The following KLRG1 variants were observed in gnomAD, a reference collection of about 807,000 sequenced individuals.
KLRG1 encodes killer cell lectin like receptor G1, also known as killer cell lectin-like receptor subfamily G member 1.
Under a neutral mutation model 21.8 loss-of-function variants are expected in KLRG1, and 16 were observed. The ratio of observed to expected loss-of-function variants is 0.73; its 90% CI spans 0.50 to 1.11. KLRG1 has a LOEUF of 1.11. Ranked by LOEUF, KLRG1 falls within the 50% of genes most tolerant of loss-of-function variation. The pLI is 0.00. For missense variants in KLRG1, 173 were observed against 218.3 expected, an observed-to-expected ratio of 0.79 and a Z score of 1.31; for synonymous variants, 69 against 75.9, an observed-to-expected ratio of 0.91 and a Z score of 0.47.
the KLRG1 span, chr12:9,162,345 A>G: frequency 5.0e-6 from 2 of 399,334 alleles, no homozygotes; most frequent in Non-Finnish European, 8.9e-6. Context: ...TGGGCTATCC[A>G]GGTAAAAGGG....
chr12:9,006,819 G>C (rs1382874250), intron 3 of KLRG1, among the ~76,000 whole-genome samples: 1 of 152,184 alleles, frequency 6.6e-6, no homozygotes, highest in African/African-American at 2.4e-5. Flanking sequence ...CGCTCAGCCA[G>C]ATTAAACCAC....
intron 1 of KLRG1, among the ~76,000 whole-genome samples, chr12:8,968,065 G>T (rs1946507802): frequency 6.6e-6 from 1 of 152,030 alleles, no homozygotes; most frequent in African/African-American, 2.4e-5. Flanking sequence ...AAGACATTCG[G>T]TTTAAAAAAG....
At chr12:9,135,124 C>A in the KLRG1 span, 1 of 217,106 alleles carries the variant, frequency 4.6e-6, no homozygotes, top group South Asian at 8.5e-5. Flanking sequence ...GCCTCCATGT[C>A]CTTCGTCTCC....
chr12:9,151,798 A>T, the KLRG1 span: 1 of 686,242 alleles, frequency 1.5e-6, no homozygotes, highest in Non-Finnish European at 2.4e-6. Context: ...AATTGTTTTC[A>T]GGTCAGGAGT....
chr12:9,183,838 T>C, the KLRG1 span, among the ~76,000 whole-genome samples: 2 of 152,230 alleles, frequency 1.3e-5, no homozygotes, highest in Non-Finnish European at 2.9e-5. Context: ...TATCACTATG[T>C]GTTTATACTG....
chr12:9,142,030 T>A, the KLRG1 span, among the ~76,000 whole-genome samples: 1 of 152,232 alleles, frequency 6.6e-6, no homozygotes, highest in East Asian at 1.9e-4. Flanking sequence ...TTTCATGACT[T>A]ACATGGACAG....
At chr12:9,153,256 C>T in the KLRG1 span, 5 of 1,614,060 alleles carry the variant, frequency 3.1e-6, no homozygotes, top group Non-Finnish European at 4.2e-6. Context: ...GTCTGTGAAT[C>T]CTGAACGGTG....
chr12:9,202,540 T>C, the KLRG1 span: 1 of 1,614,122 alleles, frequency 6.2e-7, no homozygotes, highest in South Asian at 1.1e-5. Context: ...TGTCCTGGTT[T>C]ATACATGGGT....
chr12:8,987,181 T>C (rs936991132), upstream of KLRG1: 2 of 152,240 alleles, frequency 1.3e-5, no homozygotes, highest in African/African-American at 4.8e-5. Context: ...TAAGTATTAT[T>C]ATGGACTGAA....
At chr12:9,134,925 A>G in the KLRG1 span, among the ~76,000 whole-genome samples, 1 of 152,172 alleles carries the variant, frequency 6.6e-6, no homozygotes, top group African/African-American at 2.4e-5. Context: ...TACTCTAATG[A>G]AAGAAAAAAG....
chr12:8,976,255 G>A (rs1036001120), intron 1 of KLRG1, among the ~76,000 whole-genome samples: 3 of 152,084 alleles, frequency 2.0e-5, no homozygotes, highest in Admixed American at 6.5e-5. Flanking sequence ...TAGTTTCTAT[G>A]TAAATGTGGA....
chr12:8,989,046 TG>T (rs1313697385), upstream of KLRG1, among the ~76,000 whole-genome samples: 1 of 152,198 alleles, frequency 6.6e-6, no homozygotes, highest in Admixed American at 6.5e-5. Flanking sequence ...TCTGATACTG[TG>T]AAGGGTAAAG....
the KLRG1 span, among the ~76,000 whole-genome samples, chr12:9,047,233 T>G: frequency 2.6e-5 from 4 of 152,164 alleles, no homozygotes; most frequent in African/African-American, 9.7e-5. Flanking sequence ...TTAGTAGCAA[T>G]AAAACTTATA....
At chr12:8,991,740 T>C (rs1946974784) in intron 1 of KLRG1, among the ~76,000 whole-genome samples, 1 of 152,216 alleles carries the variant, frequency 6.6e-6, no homozygotes, top group South Asian at 2.1e-4. Flanking sequence ...CTTTTACTGA[T>C]AGAATGTAGA....
downstream of KLRG1, among the ~76,000 whole-genome samples, chr12:9,011,750 A>G (rs987642058): frequency 2.0e-5 from 3 of 152,206 alleles, no homozygotes; most frequent in Non-Finnish European, 2.9e-5. Flanking sequence ...TGATTTGCCA[A>G]TGCCACCCCT....
chr12:8,987,378 A>T (rs1211062618), upstream of KLRG1: 1 of 152,230 alleles, frequency 6.6e-6, no homozygotes, highest in Non-Finnish European at 1.5e-5. Flanking sequence ...TTGTGCACAC[A>T]CTGAGGAAAA....
At chr12:8,961,910 A>G (rs1033456603) in intron 1 of KLRG1, among the ~76,000 whole-genome samples, 4 of 152,062 alleles carry the variant, frequency 2.6e-5, no homozygotes, top group Admixed American at 1.3e-4. Context: ...ACATAGGAAG[A>G]CCTCATCTCT....
At chr12:9,095,961 T>G in the KLRG1 span, among the ~76,000 whole-genome samples, 1 of 150,910 alleles carries the variant, frequency 6.6e-6, no homozygotes, top group African/African-American at 2.4e-5. Context: ...GGGTTTCACC[T>G]TGTTAGCCAG....
At chr12:9,192,677 A>T in the KLRG1 span, 7 of 1,613,874 alleles carry the variant, frequency 4.3e-6, no homozygotes, top group African/African-American at 5.3e-5. Context: ...TGTGCTGAGC[A>T]CCCTGGTGGT....
Sources: gnomAD v4.1 joint callset for allele counts (sites outside exome capture counted in the v4.1 genomes callset) on GRCh38, gnomAD v4.1.1 for gene constraint, MANE v1.5 for transcripts, NCBI Gene and HGNC (gene_info 2026-07-23, HGNC 2026-07-21) for gene names.